The following PDCL3 variants were observed in gnomAD, a reference collection of about 807,000 sequenced individuals.
PDCL3 encodes the protein phosducin like 3.
PDCL3 carries 22 observed loss-of-function variants against 26.5 expected under a neutral mutation model. The ratio of observed to expected loss-of-function variants is 0.83; its 90% CI spans 0.59 to 1.19. PDCL3 has a LOEUF of 1.19. Ranked by LOEUF, PDCL3 falls within the 50% of genes most tolerant of loss-of-function variation. PDCL3 has a pLI of 0.00. For missense variants in PDCL3, 246 were observed against 294.1 expected (o/e 0.84, Z 1.20); for synonymous variants, 81 against 104.9 (o/e 0.77, Z 1.39).
chr2:100,570,443 A>G (rs1275216963), intron 4 of PDCL3, among the ~76,000 whole-genome samples: 1 of 149,742 alleles, frequency 6.7e-6, no homozygotes, highest in African/African-American at 2.5e-5. Context: ...CTTGTCTTAA[A>G]CTGTAGAGTC....
intron 1 of PDCL3, among the ~76,000 whole-genome samples, chr2:100,564,975 CCT>C (rs1675032468): frequency 6.6e-6 from 1 of 152,332 alleles, no homozygotes; most frequent in South Asian, 2.1e-4. Context: ...CTCAGCTTTT[CCT>C]CTCAGGTTTG....
intron 5 of PDCL3, among the ~76,000 whole-genome samples, chr2:100,575,330 T>C (rs1483594851): frequency 6.6e-6 from 1 of 152,084 alleles, no homozygotes; most frequent in Non-Finnish European, 1.5e-5. Context: ...AGAGACGGGG[T>C]TTCACCGTGT....
chr2:100,573,861 G>C (rs757133071), intron 5 of PDCL3, among the ~76,000 whole-genome samples: 9 of 151,974 alleles, frequency 5.9e-5, no homozygotes, highest in African/African-American at 9.7e-5. Flanking sequence ...AGAGAAGTGT[G>C]CAATTGTTTT....
intron 4 of PDCL3, among the ~76,000 whole-genome samples, chr2:100,570,311 C>T (rs1424737554): frequency 6.6e-6 from 1 of 152,064 alleles, no homozygotes; most frequent in Non-Finnish European, 1.5e-5. Context: ...TTTACAGGAA[C>T]TCTGACATTT....
At chr2:100,569,182 G>C (rs1675118841) in intron 3 of PDCL3, among the ~76,000 whole-genome samples, 161 bp downstream of exon 3, 2 of 151,996 alleles carry the variant, frequency 1.3e-5, no homozygotes, top group South Asian at 2.1e-4. Context: ...CTTGAGCTCA[G>C]AAGTTTGAGA....
intron 5 of PDCL3, among the ~76,000 whole-genome samples, chr2:100,573,348 T>A (rs1367168838): frequency 1.3e-5 from 2 of 152,232 alleles, no homozygotes; most frequent in African/African-American, 4.8e-5. Context: ...AAGACATTTT[T>A]AAACATGACT....
At chr2:100,569,553 A>C (rs115648040) in intron 3 of PDCL3, 25 bp from the exon 4 acceptor site, 2 of 1,611,290 alleles carry the variant, frequency 1.2e-6, no homozygotes, top group Admixed American at 3.3e-5. Flanking sequence ...GTGACGTAAG[A>C]TGTTTCTCTC....
At chr2:100,563,344 G>T (rs1558694541) in intron 1 of PDCL3, 5 of 437,018 alleles carry the variant, frequency 1.1e-5, no homozygotes, top group Non-Finnish European at 8.0e-6. Context: ...ACCCACCCGG[G>T]CCTGTGAAGG....
intron 1 of PDCL3, 89 bp downstream of exon 1, chr2:100,563,162 G>A (rs1674982841): frequency 2.0e-6 from 3 of 1,484,400 alleles, no homozygotes; most frequent in African/African-American, 1.4e-5. Context: ...CCGCCCTGGG[G>A]GAAGCTCCGG....
intron 5 of PDCL3, among the ~76,000 whole-genome samples, chr2:100,575,350 T>C (rs372311364): frequency 7.2e-4 from 110 of 152,290 alleles, no homozygotes; most frequent in South Asian, 4.1e-3. Context: ...TTAGCCAGGA[T>C]GGTCTCGATC....
chr2:100,573,567 C>T (rs899440937), intron 5 of PDCL3, among the ~76,000 whole-genome samples: 4 of 150,866 alleles, frequency 2.7e-5, no homozygotes, highest in East Asian at 2.0e-4. Context: ...TCCAGCTACT[C>T]GGAGGCTGAG....
intron 1 of PDCL3, chr2:100,563,596 C>T (rs1350830444): frequency 6.6e-6 from 1 of 151,246 alleles, no homozygotes; most frequent in East Asian, 2.0e-4. Context: ...TTCCAGAGCT[C>T]CCCGCGAGGG....
chr2:100,566,316 TTCA>T (rs1675058430), intron 1 of PDCL3, among the ~76,000 whole-genome samples, 184 bp from the exon 2 acceptor site: 2 of 152,262 alleles, frequency 1.3e-5, no homozygotes, highest in South Asian at 4.1e-4. Context: ...AGCTCCTCCA[TTCA>T]GGGAGGGGTA....
chr2:100,569,391 T>C (rs1283924106), intron 3 of PDCL3, among the ~76,000 whole-genome samples, 187 bp from the exon 4 acceptor site: 1 of 152,120 alleles, frequency 6.6e-6, no homozygotes, highest in Non-Finnish European at 1.5e-5. Context: ...CTTCAAAAAA[T>C]TAATTTTCAG....
At chr2:100,564,180 A>G (rs1675014678) in intron 1 of PDCL3, among the ~76,000 whole-genome samples, 1 of 151,484 alleles carries the variant, frequency 6.6e-6, no homozygotes, top group Non-Finnish European at 1.5e-5. Flanking sequence ...ACACTCTTAA[A>G]TGGTGAAGTG....
chr2:100,574,935 C>G (rs1333143075), intron 5 of PDCL3, among the ~76,000 whole-genome samples: 2 of 152,108 alleles, frequency 1.3e-5, no homozygotes, highest in African/African-American at 4.8e-5. Context: ...GATCCCATGT[C>G]TACAAAAAAG....
intron 5 of PDCL3, among the ~76,000 whole-genome samples, chr2:100,572,610 C>G (rs937221902): frequency 6.6e-6 from 1 of 151,984 alleles, no homozygotes; most frequent in African/African-American, 2.4e-5. Flanking sequence ...CTCTGCCCCC[C>G]AGGTTCAAGT....
intron 2 of PDCL3, 107 bp downstream of exon 2, chr2:100,566,736 G>A: frequency 6.7e-7 from 1 of 1,501,876 alleles, no homozygotes; most frequent in Non-Finnish European, 9.0e-7. Context: ...TGGACACTCT[G>A]TGTCTGTGGG....
intron 1 of PDCL3, among the ~76,000 whole-genome samples, chr2:100,564,092 A>G (rs893623641): frequency 2.0e-5 from 3 of 150,464 alleles, no homozygotes; most frequent in Non-Finnish European, 3.0e-5. Flanking sequence ...TTTTGTGCAG[A>G]TGGGGTCTCC....
Sources: allele counts gnomAD v4.1 joint callset (sites outside exome capture counted in the v4.1 genomes callset), GRCh38; gene constraint gnomAD v4.1.1; transcripts MANE v1.5; gene names NCBI Gene and HGNC (gene_info 2026-07-23, HGNC 2026-07-21).